The following MAPK9 variants were observed in gnomAD, a reference collection of about 807,000 sequenced individuals.
MAPK9 encodes Jun kinase.
A neutral mutation model predicts 57.1 loss-of-function variants in MAPK9; 30 were observed. The ratio of observed to expected loss-of-function variants is 0.53; its 90% CI spans 0.39 to 0.71. MAPK9 has a LOEUF of 0.71. Ranked by LOEUF, MAPK9 falls within the 30% of genes least tolerant of loss-of-function variation. MAPK9 has a pLI of 0.00. For missense variants in MAPK9, 362 were observed against 521.0 expected (o/e 0.69, Z 2.97); for synonymous variants, 155 against 177.0 (o/e 0.88, Z 0.99).
At chr5:180,283,623 G>A (rs1762493998) in intron 1 of MAPK9, among the ~76,000 whole-genome samples, 1 of 152,240 alleles carries the variant, frequency 6.6e-6, no homozygotes, top group African/African-American at 2.4e-5. Context: ...TTAGGTTTTA[G>A]AATTGTAATT....
rs1400076600 is a variant in MAPK9 at position 180,247,347 on chromosome 5, C to G, written c.688+92G>C. 2.0e-6 allele frequency: 3 copies of G among 1,489,942 alleles called. No individual in the cohort carries two copies. Among genetic ancestry groups the G allele is most frequent in the Non-Finnish European group, 2.8e-6 (3 of 1,069,282 alleles). The allele number at this position is 1,489,942 out of a possible 1,614,324, so 92.3% of individuals were successfully genotyped here. A position where few individuals can be genotyped will look rare whatever the true frequency, so the allele number is the denominator to read the frequency against. ...ACACAGTCTGGAGTGGATTTTACGA[C>G]TTTGTCCTCGTGAGCGCTCGTGTAA... On this transcript the variant is annotated intron_variant, in intron 7 of 11. Transcript: ENST00000452135. This position sits in a 1 kb window ranked among gnomAD's most constrained non-coding sequence, Gnocchi z 4.5.
Position 180,236,566 on chromosome 5 carries a change from G to A in MAPK9, c.1133-40C>T, listed in dbSNP as rs774222428. 5.6e-6 allele frequency: 9 copies of A among 1,595,420 alleles called. No homozygotes were observed. In the East Asian group the frequency reaches 6.8e-5, roughly 12 times the overall value. On this transcript the variant is annotated intron_variant, in intron 11 of 11. Transcript: ENST00000452135. Reference sequence around the variant, plus strand: ...CCAAATATAATAAAATCTGAGGCACGACATTGCTGCAAATCCAGGCAGCGA... The same window carrying A: ...CCAAATATAATAAAATCTGAGGCACAACATTGCTGCAAATCCAGGCAGCGA...
Position 180,258,560 on chromosome 5 carries a change from A to G in MAPK9, c.450+3124T>C, listed in dbSNP as rs550894521. Among the ~76,000 whole-genome samples, 16 of 152,316 alleles carry G rather than the reference A, an allele frequency of 1.1e-4. No homozygotes were observed. The South Asian group carries it at 2.5e-3, about 24-fold the overall frequency. The stretch of plus-strand genomic sequence containing the variant: ...AGAACACATATTGGAGAGAAATCCT[A>G]TAACTGTAAAAAATGTGGCAAAGCC... On this transcript the variant is annotated intron_variant, in intron 5 of 11. Transcript: ENST00000452135.
chr5:180,268,188 C>G (rs921946004), intron 3 of MAPK9, among the ~76,000 whole-genome samples: 3 of 152,164 alleles, frequency 2.0e-5, no homozygotes, highest in Non-Finnish European at 4.4e-5. Flanking sequence ...ACTAGGAGAA[C>G]AAACAATGTG....
intron 1 of MAPK9, among the ~76,000 whole-genome samples, chr5:180,287,977 G>T (rs1446834874): frequency 6.6e-6 from 1 of 152,190 alleles, no homozygotes; most frequent in African/African-American, 2.4e-5. Context: ...CAGTGGTTAA[G>T]ATCGGGACTT....
intron 3 of MAPK9, 102 bp from the exon 4 acceptor site, chr5:180,264,941 A>C: frequency 1.1e-6 from 1 of 935,658 alleles, no homozygotes; most frequent in African/African-American, 1.9e-5. Context: ...AAATCACAGC[A>C]GAATTCAGTA....
At chr5:180,252,481 G>T (rs1361296887) in intron 5 of MAPK9, among the ~76,000 whole-genome samples, 1 of 152,140 alleles carries the variant, frequency 6.6e-6, no homozygotes, top group African/African-American at 2.4e-5. Context: ...CTCCCCTGAG[G>T]CTTCCATGGT....
rs908995295 is a variant in MAPK9 at position 180,280,338 on chromosome 5, GT to G, written c.122+101del. On this transcript the variant is annotated intron_variant, in intron 2 of 11. Coordinates refer to ENST00000452135, the MANE Select transcript of MAPK9 (RefSeq NM_002752.5). ...ATTTAGCTCATAAACCTATAACAGA[GT>G]TTTTTTTTTAATCATCAATGTTTCT... 1.0e-3 allele frequency: 1,331 copies of G among 1,310,974 alleles called. 3 individuals carry two copies. The highest frequency in any genetic ancestry group is 1.4e-3 in the African/African-American group (96 of 66,654). 81.2% of individuals were successfully genotyped at this position (1,310,974 alleles called of 1,614,324 possible).
rs1393225224 is a variant in MAPK9 at position 180,267,429 on chromosome 5, G to C, written c.252+1851C>G. Among the ~76,000 whole-genome samples the C allele has an allele frequency of 1.3e-3, 191 of 151,932 alleles. 1 individual carries two copies. Among genetic ancestry groups the C allele is most frequent in the Non-Finnish European group, 1.7e-3 (116 of 67,918 alleles). On this transcript the variant is annotated intron_variant, in intron 3 of 11. Transcript: ENST00000452135. ...TACAAAAAATTAGCTGGGTGTGGTG[G>C]CGGGCACCTGTAGTCCCGGCTACTC...
chr5:180,283,817 T>C (rs1465911867), intron 1 of MAPK9, among the ~76,000 whole-genome samples: 2 of 152,122 alleles, frequency 1.3e-5, no homozygotes, highest in East Asian at 3.9e-4. Context: ...GTGCCTGTAA[T>C]CCCAGCTACT....
chr5:180,283,162 C>T (rs1295024137), intron 1 of MAPK9, among the ~76,000 whole-genome samples: 1 of 152,188 alleles, frequency 6.6e-6, no homozygotes, highest in Admixed American at 6.5e-5. Context: ...CCTTCCCCTT[C>T]CTGCTAGATA....
intron 5 of MAPK9, among the ~76,000 whole-genome samples, chr5:180,259,445 A>G (rs557051131): frequency 4.9e-4 from 75 of 152,274 alleles, no homozygotes; most frequent in Middle Eastern, 3.4e-3. Context: ...CTCACACTGG[A>G]GAGAAACCCT....
At chr5:180,262,403 A>C (rs1052684210) in intron 4 of MAPK9, among the ~76,000 whole-genome samples, 1 of 151,800 alleles carries the variant, frequency 6.6e-6, no homozygotes, top group Admixed American at 6.6e-5. Context: ...CTCATGTGCT[A>C]TCTCCAATTC....
Position 180,234,491 on chromosome 5 carries a change from G to A in MAPK9, c.*1893C>T, listed in dbSNP as rs1226351055. ...GCACAGAGGAGCGAGTGAGCAGAAG[G>A]GCGTCTGCGGGTGCCTCGTCCCCCG... On this transcript the variant is annotated 3_prime_UTR_variant, in exon 12 of 12. Transcript: ENST00000452135. 6.6e-6 allele frequency: 1 copy of A among 152,266 alleles called. No individual in the cohort carries two copies. The highest frequency in any genetic ancestry group is 1.5e-5 in the Non-Finnish European group (1 of 68,076). The allele number at this position is 152,266 out of a possible 1,614,324, so 9.4% of individuals were successfully genotyped here.
rs529721305 is a variant in MAPK9 at position 180,241,043 on chromosome 5, G to A, written c.984C>T (p.Ala328=). 2.1e-5 allele frequency: 34 copies of A among 1,611,582 alleles called. No homozygotes were observed. Among genetic ancestry groups the A allele is most frequent in the Middle Eastern group, 1.6e-4 (1 of 6,074 alleles). The change falls in exon 9 of 12, where the codon GCC becomes GCT. Residue 328 remains alanine (A), a synonymous_variant. Coordinates refer to ENST00000452135, the MANE Select transcript of MAPK9 (RefSeq NM_002752.5). The part of the protein sequence containing the change: ...HPYITVWYDP[A]EAEAPPPQIY... ...AACAGATACTCACGGCTTCTGCTTCGGCGGGGTCATACCAAACAGTGATGT... is the reference window on the plus strand; with the variant it reads ...AACAGATACTCACGGCTTCTGCTTCAGCGGGGTCATACCAAACAGTGATGT...
At chr5:180,268,916 G>C (rs957792829) in intron 3 of MAPK9, among the ~76,000 whole-genome samples, 3 of 151,846 alleles carry the variant, frequency 2.0e-5, no homozygotes, top group Non-Finnish European at 4.4e-5. Flanking sequence ...AAGGCAGGTG[G>C]ATCATGGGGC....
chr5:180,268,776 A>C (rs899260856), intron 3 of MAPK9, among the ~76,000 whole-genome samples: 16 of 142,024 alleles, frequency 1.1e-4, no homozygotes, highest in African/African-American at 4.2e-4. Flanking sequence ...GCAGCGAGCC[A>C]AGATCCCACC....
chr5:180,280,383 T>C (rs1218195424), intron 2 of MAPK9, 57 bp downstream of exon 2: 21 of 1,577,196 alleles, frequency 1.3e-5, no homozygotes, highest in Non-Finnish European at 1.8e-5. Flanking sequence ...ACACTTTAGT[T>C]TTACTTTTTA....
chr5:180,268,899 G>A (rs977914936), intron 3 of MAPK9, among the ~76,000 whole-genome samples: 1 of 152,054 alleles, frequency 6.6e-6, no homozygotes, highest in Non-Finnish European at 1.5e-5. Flanking sequence ...CAGCACTTTG[G>A]AAGGCCAAGG....
Sources: allele counts gnomAD v4.1 joint callset (sites outside exome capture counted in the v4.1 genomes callset), GRCh38; gene constraint gnomAD v4.1.1; non-coding constraint Gnocchi (gnomAD v3.1); transcripts MANE v1.5; gene names NCBI Gene and HGNC (gene_info 2026-07-23, HGNC 2026-07-21).